NRG1: variants seen among roughly 807,000 people sequenced by gnomAD.
NRG1 encodes the protein pro-neuregulin-1, membrane-bound isoform.
A neutral mutation model predicts 63.8 loss-of-function variants in NRG1; 18 were observed. That is an observed-to-expected ratio of 0.28 (90% CI 0.19 to 0.42). The LOEUF (loss-of-function observed/expected upper bound fraction) is 0.42, where lower values mean the gene tolerates loss of function less well. Ranked by LOEUF, NRG1 falls within the 10% of genes least tolerant of loss-of-function variation. NRG1 has a pLI of 1.00. For synonymous variants in NRG1, 302 were observed against 301.3 expected (o/e 1.00, Z -0.02); for missense variants, 762 against 814.7 (o/e 0.94, Z 0.79).
At chr8:31,650,746 T>G (rs1362653400) in intron 1 of NRG1, among the ~76,000 whole-genome samples, 1 of 148,226 alleles carries the variant, frequency 6.7e-6, no homozygotes, top group Non-Finnish European at 1.5e-5. Flanking sequence ...TCTGTGTGTC[T>G]TGCCTCACTG....
At chr8:32,361,011 A>T (rs940345738) in intron 1 of NRG1, among the ~76,000 whole-genome samples, 1 of 152,210 alleles carries the variant, frequency 6.6e-6, no homozygotes, top group Non-Finnish European at 1.5e-5. Flanking sequence ...CCACTGGTGT[A>T]TGATCTTCAG....
At chr8:32,414,081 G>C (rs1307493742) in intron 1 of NRG1, among the ~76,000 whole-genome samples, 2 of 152,154 alleles carry the variant, frequency 1.3e-5, no homozygotes, top group Non-Finnish European at 2.9e-5. Context: ...AGAGAAGGCT[G>C]TGAGGTAAGG....
intron 1 of NRG1, among the ~76,000 whole-genome samples, chr8:31,811,264 G>A (rs537078958): frequency 6.6e-6 from 1 of 152,290 alleles, no homozygotes; most frequent in South Asian, 2.1e-4. Context: ...AGCTTTATCT[G>A]GAGCTGTTTT....
chr8:31,668,943 G>T (rs1468655236), intron 1 of NRG1, among the ~76,000 whole-genome samples: 1 of 152,126 alleles, frequency 6.6e-6, no homozygotes, highest in Non-Finnish European at 1.5e-5. Context: ...TGGAATATTT[G>T]CTTATACATA....
At chr8:32,605,882 T>C (rs1428322545) in intron 3 of NRG1, among the ~76,000 whole-genome samples, 199 bp downstream of exon 3, 1 of 152,048 alleles carries the variant, frequency 6.6e-6, no homozygotes, top group Non-Finnish European at 1.5e-5. Context: ...ACCTGAAATA[T>C]ACATATATTT....
At chr8:32,378,624 CT>C (rs1158608556) in intron 1 of NRG1, among the ~76,000 whole-genome samples, 2 of 152,096 alleles carry the variant, frequency 1.3e-5, no homozygotes, top group Admixed American at 6.6e-5. Flanking sequence ...GAAAACATAT[CT>C]TTTTTTTATA....
Position 32,612,101 on chromosome 8 carries a change from T to C in NRG1, c.401-2413T>C, listed in dbSNP as rs535457465. Among the ~76,000 whole-genome samples, 25 of 152,200 alleles carry C rather than the reference T, an allele frequency of 1.6e-4. No homozygotes were observed. The South Asian group carries it at 4.8e-3, about 29-fold the overall frequency. On this transcript the variant is annotated intron_variant, in intron 3 of 11. Transcript: ENST00000356819. Reference sequence around the variant, plus strand: ...AGTTTCTGATAATTCTAAAACCTCATTAATTTGCACTAATGAAGGGGCTGT... The same window carrying C: ...AGTTTCTGATAATTCTAAAACCTCACTAATTTGCACTAATGAAGGGGCTGT...
At chr8:32,090,807 G>A (rs1343207740) in intron 1 of NRG1, among the ~76,000 whole-genome samples, 1 of 152,172 alleles carries the variant, frequency 6.6e-6, no homozygotes, top group African/African-American at 2.4e-5. Context: ...ATTAGGGGCT[G>A]AGGTCTTCTT....
chr8:31,976,417 A>G (rs1383726379), intron 1 of NRG1, among the ~76,000 whole-genome samples: 1 of 152,146 alleles, frequency 6.6e-6, no homozygotes, highest in Non-Finnish European at 1.5e-5. Flanking sequence ...TGTTCTGACA[A>G]GAGTTCAGTG....
intron 1 of NRG1, among the ~76,000 whole-genome samples, chr8:32,539,257 G>A (rs536383878): frequency 2.0e-5 from 3 of 152,298 alleles, no homozygotes; most frequent in Admixed American, 6.5e-5. Context: ...GGAATGACAA[G>A]ATAATCGCTC....
At chr8:32,499,412 G>A (rs1827593603) in intron 1 of NRG1, among the ~76,000 whole-genome samples, 1 of 152,214 alleles carries the variant, frequency 6.6e-6, no homozygotes, top group African/African-American at 2.4e-5. Flanking sequence ...GCTGGGTGCG[G>A]TAGCTGACAT....
intron 1 of NRG1, among the ~76,000 whole-genome samples, chr8:32,570,290 T>A (rs1838302432): frequency 6.6e-6 from 1 of 152,218 alleles, no homozygotes; most frequent in South Asian, 2.1e-4. Flanking sequence ...TTAGGTCTTA[T>A]AGGAAGCTTG....
At chr8:31,670,316 C>T (rs1438300555) in intron 1 of NRG1, among the ~76,000 whole-genome samples, 1 of 152,146 alleles carries the variant, frequency 6.6e-6, no homozygotes, top group Non-Finnish European at 1.5e-5. Context: ...CTGGCCCCTC[C>T]TCTCCAATCC....
At chr8:32,373,508 T>G (rs1462756726) in intron 1 of NRG1, among the ~76,000 whole-genome samples, 2 of 152,208 alleles carry the variant, frequency 1.3e-5, no homozygotes, top group Non-Finnish European at 2.9e-5. Context: ...ACCGAAGGTT[T>G]GACATTTGAG....
intron 1 of NRG1, among the ~76,000 whole-genome samples, chr8:31,885,848 C>T (rs1830678875): frequency 6.6e-6 from 1 of 152,012 alleles, no homozygotes; most frequent in Non-Finnish European, 1.5e-5. Flanking sequence ...ACTCCATGGT[C>T]TTGAATTTCT....
chr8:32,027,356 CTA>C (rs1282511895), intron 1 of NRG1, among the ~76,000 whole-genome samples: 5 of 151,920 alleles, frequency 3.3e-5, no homozygotes, highest in Non-Finnish European at 7.4e-5. Flanking sequence ...CTGGGTGTCT[CTA>C]TTTTTATATT....
intron 1 of NRG1, among the ~76,000 whole-genome samples, chr8:32,549,130 G>C (rs1833608362): frequency 6.6e-6 from 1 of 152,326 alleles, no homozygotes; most frequent in East Asian, 1.9e-4. Context: ...GCGCCTTAGC[G>C]GCTGAGCCCA....
chr8:31,759,636 A>T (rs1355790109), intron 1 of NRG1, among the ~76,000 whole-genome samples: 1 of 152,128 alleles, frequency 6.6e-6, no homozygotes, highest in Non-Finnish European at 1.5e-5. Context: ...TTTTAAAGTT[A>T]GTTAGCATAC....
intron 1 of NRG1, among the ~76,000 whole-genome samples, chr8:32,074,383 C>T (rs1826187206): frequency 6.6e-6 from 1 of 152,086 alleles, no homozygotes; most frequent in Admixed American, 6.6e-5. Context: ...AAGCTTGAGC[C>T]TCATATTTAA....
Sources: allele counts gnomAD v4.1 joint callset (sites outside exome capture counted in the v4.1 genomes callset), GRCh38; gene constraint gnomAD v4.1.1; transcripts MANE v1.5; gene names NCBI Gene and HGNC (gene_info 2026-07-23, HGNC 2026-07-21).